The following PCDH11X variants were observed in gnomAD, a reference collection of about 807,000 sequenced individuals.
The protein encoded by PCDH11X is protocadherin-11 X-linked.
Under a neutral mutation model 53.3 loss-of-function variants are expected in PCDH11X, and 18 were observed. The observed-to-expected ratio is 0.34, with a 90% confidence interval of 0.23 to 0.50. PCDH11X has a LOEUF of 0.50. Ranked by LOEUF, PCDH11X falls within the 20% of genes least tolerant of loss-of-function variation. PCDH11X has a pLI of 0.98. For synonymous variants in PCDH11X, 279 were observed against 393.3 expected (o/e 0.71, Z 3.44); for missense variants, 570 against 1,032.4 (o/e 0.55, Z 6.14).
chrX:92,596,991 C>A (rs1323169943), intron 10 of PCDH11X, among the ~76,000 whole-genome samples: 1 of 111,048 alleles, frequency 9.0e-6, no homozygotes, highest in South Asian at 3.8e-4. Context: ...ATTCAATACC[C>A]CTTAATGAGA....
At chrX:92,336,213 A>G (rs2069615319) in intron 8 of PCDH11X, among the ~76,000 whole-genome samples, 1 of 112,042 alleles carries the variant, frequency 8.9e-6, no homozygotes, top group African/African-American at 3.2e-5. Context: ...CTTATGTTAC[A>G]TTTGACATGC....
At chrX:92,273,840 G>A (rs2068014791) in intron 8 of PCDH11X, among the ~76,000 whole-genome samples, 1 of 111,158 alleles carries the variant, frequency 9.0e-6, no homozygotes, top group South Asian at 3.8e-4. Context: ...GAATTGGGAG[G>A]ACCTAGGACA....
chrX:92,158,867 C>G (rs1042382031), intron 6 of PCDH11X, among the ~76,000 whole-genome samples: 2 of 111,400 alleles, frequency 1.8e-5, no homozygotes, highest in African/African-American at 6.5e-5. Flanking sequence ...ATCTCCTGAC[C>G]TCGTGATCTG....
At chrX:92,016,045 C>G (rs369199540) in intron 6 of PCDH11X, among the ~76,000 whole-genome samples, 1 of 112,116 alleles carries the variant, frequency 8.9e-6, no homozygotes, top group Non-Finnish European at 1.9e-5. Context: ...CATTAATTTC[C>G]TTTTATATCT....
At chrX:92,283,618 A>AT (rs1383419941) in intron 8 of PCDH11X, among the ~76,000 whole-genome samples, 9 of 111,653 alleles carry the variant, frequency 8.1e-5, no homozygotes, top group Admixed American at 1.9e-4. Flanking sequence ...AAATCGTATG[A>AT]TTTTCTAACA....
intron 8 of PCDH11X, among the ~76,000 whole-genome samples, chrX:92,274,977 T>C (rs1436259720): frequency 2.7e-5 from 3 of 109,625 alleles, no homozygotes; most frequent in African/African-American, 6.7e-5. Flanking sequence ...CCAGGAACAA[T>C]GGTAATTGTG....
At chrX:92,379,045 G>T (rs932398897) in intron 8 of PCDH11X, among the ~76,000 whole-genome samples, 1 of 112,933 alleles carries the variant, frequency 8.9e-6, no homozygotes, top group Non-Finnish European at 1.9e-5. Flanking sequence ...AGCTGCAGTG[G>T]GGGAGGCGTG....
chrX:92,506,216 C>CTTTTTTTTTTTTTTTTTTTT lies in PCDH11X; in HGVS notation c.3367+37897_3367+37916dup, dbSNP rs1180678297. ...ATTTGGATACATTTTCTTTTCTTTT[C>CTTTTTTTTTTTTTTTTTTTT]TTTTTTTTTTTTTTTTTTTTTTGCC... is the stretch of plus-strand genomic sequence containing the variant. On this transcript the variant is annotated intron_variant, in intron 10 of 10. Coordinates refer to ENST00000682573, the MANE Select transcript of PCDH11X (RefSeq NM_032968.5). Among the ~76,000 whole-genome samples the CTTTTTTTTTTTTTTTTTTTT allele has an allele frequency of 1.2e-3, 48 of 40,197 alleles. 1 individual carries two copies. The highest frequency in any genetic ancestry group is 1.6e-3 in the African/African-American group (15 of 9,281). The allele number at this position is 40,197 out of a possible 115,157, so 34.9% of individuals were successfully genotyped here.
chrX:92,590,251 C>G (rs1377155093), intron 10 of PCDH11X, among the ~76,000 whole-genome samples: 2 of 110,950 alleles, frequency 1.8e-5, no homozygotes, highest in East Asian at 5.8e-4. Flanking sequence ...AACTCTGACT[C>G]CCACATGGGG....
intron 10 of PCDH11X, among the ~76,000 whole-genome samples, chrX:92,541,289 T>C (rs373166684): frequency 0.017 from 1,884 of 108,234 alleles, 52 homozygotes; most frequent in African/African-American, 0.06. Flanking sequence ...TGCAGGGTAC[T>C]GGTTGATCCC....
intron 8 of PCDH11X, among the ~76,000 whole-genome samples, chrX:92,311,429 T>A (rs1010713217): frequency 8.4e-4 from 93 of 110,615 alleles, no homozygotes; most frequent in African/African-American, 3.1e-3. Flanking sequence ...GTAATTATTA[T>A]TTGTATATTT....
chrX:92,277,815 G>A (rs1404846450), intron 8 of PCDH11X, among the ~76,000 whole-genome samples: 2 of 110,690 alleles, frequency 1.8e-5, no homozygotes, highest in Non-Finnish European at 3.8e-5. Flanking sequence ...TGGGGTTGAA[G>A]GGTACTTGCC....
intron 1 of PCDH11X, among the ~76,000 whole-genome samples, chrX:91,797,809 G>A (rs1244703284): frequency 6.3e-5 from 7 of 110,494 alleles, no homozygotes; most frequent in Non-Finnish European, 1.3e-4. Context: ...AGGGTATTTA[G>A]TCAGAATGGA....
intron 4 of PCDH11X, among the ~76,000 whole-genome samples, chrX:91,825,028 G>C (rs778979010): frequency 6.8e-4 from 76 of 110,963 alleles, no homozygotes; most frequent in African/African-American, 2.1e-3. Flanking sequence ...GGCAGTCTGC[G>C]TGTTCTCAGA....
intron 8 of PCDH11X, among the ~76,000 whole-genome samples, chrX:92,283,689 TGTTATATTATCACATAAAATGTCCA>T (rs1311727771): frequency 2.7e-5 from 3 of 111,842 alleles, no homozygotes; most frequent in Non-Finnish European, 5.6e-5. Context: ...CCATATGAAT[TGTTATATTATCACATAAAATGTCCA>T]GTGTGTCTAA....
chrX:91,954,119 C>T (rs962930077), intron 6 of PCDH11X, among the ~76,000 whole-genome samples: 1 of 109,646 alleles, frequency 9.1e-6, no homozygotes, highest in African/African-American at 3.3e-5. Flanking sequence ...CCCTCCCCTT[C>T]CCCCTACCAC....
rs867257917 is a variant in PCDH11X, at chrX:92,419,678, T to C, written c.3343+31745T>C. ...CTCCCCTCCCTCCACCCTTTTTTTT[T>C]TTTTTTTTTTTTTTTTTTTTGAGAT... On this transcript the variant is annotated intron_variant, in intron 9 of 10. Transcript: ENST00000682573. 5.0e-4 allele frequency among the ~76,000 whole-genome samples: 34 copies of C among 67,805 alleles called. 1 individual carries two copies. The highest frequency in any genetic ancestry group is 2.6e-3 in the Admixed American group (15 of 5,771). The allele number at this position is 67,805 out of a possible 115,157, so 58.9% of individuals were successfully genotyped here.
intron 5 of PCDH11X, among the ~76,000 whole-genome samples, chrX:91,863,468 C>T: frequency 9.0e-6 from 1 of 111,726 alleles, no homozygotes; most frequent in East Asian, 2.8e-4. Context: ...TTCTCTTTTT[C>T]ATTTTCAGTC....
chrX:92,480,724 G>A (rs961056392), intron 10 of PCDH11X, among the ~76,000 whole-genome samples: 2 of 111,015 alleles, frequency 1.8e-5, no homozygotes, highest in Non-Finnish European at 3.8e-5. Context: ...CAATGTGCTC[G>A]GAAGGCTGAA....
Sources: allele counts gnomAD v4.1 joint callset (sites outside exome capture counted in the v4.1 genomes callset), GRCh38; gene constraint gnomAD v4.1.1; transcripts MANE v1.5; gene names NCBI Gene and HGNC (gene_info 2026-07-23, HGNC 2026-07-21).